RYR2: variants seen among roughly 807,000 people sequenced by gnomAD.
The protein encoded by RYR2 is cardiac muscle ryanodine receptor-calcium release channel.
A neutral mutation model predicts 601.1 loss-of-function variants in RYR2; 227 were observed. The observed-to-expected ratio is 0.38, with a 90% CI of 0.34 to 0.42. The LOEUF (loss-of-function observed/expected upper bound fraction) is 0.42. Among genes scored for constraint, RYR2 ranks in the 10% least tolerant of loss-of-function variants. RYR2 has a pLI of 1.00. For missense variants in RYR2, 4,646 were observed against 6,156.5 expected (o/e 0.75, Z 8.21); for synonymous variants, 2,223 against 2,175.1 (o/e 1.02, Z -0.61).
chr1:237,228,236 T>C lies in RYR2; in HGVS notation c.49-42261T>C, dbSNP rs142338706. ...TGAGAACATACGATGTTTGCTTTTT[T>C]ATTCCTGAGTTACTTCACTTAGAAT... is the stretch of plus-strand genomic sequence containing the variant. On this transcript the variant is annotated intron_variant, in intron 1 of 104. Transcript: ENST00000366574. Among the ~76,000 whole-genome samples the C allele has an allele frequency of 9.1e-3, 1,386 of 152,346 alleles. 22 individuals are homozygous for C. The highest frequency in any genetic ancestry group is 0.031 in the African/African-American group (1,309 of 41,572).
intron 92 of RYR2, among the ~76,000 whole-genome samples, chr1:237,791,210 T>C (rs986157872): frequency 1.3e-5 from 2 of 152,238 alleles, no homozygotes; most frequent in Non-Finnish European, 2.9e-5. Flanking sequence ...TCTGAAATTA[T>C]GTTTTTCACT....
At chr1:237,412,631 A>G (rs957765886) in intron 10 of RYR2, among the ~76,000 whole-genome samples, 2 of 152,152 alleles carry the variant, frequency 1.3e-5, no homozygotes, top group African/African-American at 4.8e-5. Flanking sequence ...GTACATTGCA[A>G]AAATAGTCTC....
At chr1:237,736,478 G>A (rs971712620) in intron 79 of RYR2, among the ~76,000 whole-genome samples, 109 of 139,062 alleles carry the variant, frequency 7.8e-4, no homozygotes, top group African/African-American at 2.5e-3. Context: ...AAAAAAAAAA[G>A]ATAAAAGGAT....
At chr1:237,043,302 C>T (rs763144688) in intron 1 of RYR2, among the ~76,000 whole-genome samples, 6 of 151,964 alleles carry the variant, frequency 3.9e-5, no homozygotes, top group African/African-American at 1.2e-4. Flanking sequence ...TGCGTGTGTG[C>T]GCGCGCGCGG....
chr1:237,553,698 C>A (rs1670619675), intron 27 of RYR2, among the ~76,000 whole-genome samples: 1 of 151,784 alleles, frequency 6.6e-6, no homozygotes, highest in Non-Finnish European at 1.5e-5. Flanking sequence ...TTATTTTCAT[C>A]CTCTTTAGTT....
intron 4 of RYR2, among the ~76,000 whole-genome samples, chr1:237,357,249 G>T (rs1208460250): frequency 6.6e-6 from 1 of 151,742 alleles, no homozygotes; most frequent in Non-Finnish European, 1.5e-5. Context: ...TTCCTCTTTG[G>T]CTATAGTTAA....
chr1:237,523,736 C>CA (rs71180032), intron 24 of RYR2, among the ~76,000 whole-genome samples: 2,212 of 138,926 alleles, frequency 0.016, 49 homozygotes, highest in African/African-American at 0.048. Flanking sequence ...GATTCTGTCT[C>CA]AAAAAAAAAA....
intron 1 of RYR2, among the ~76,000 whole-genome samples, chr1:237,148,527 A>AATAT (rs1553316811): frequency 2.4e-5 from 2 of 83,914 alleles, no homozygotes; most frequent in African/African-American, 8.6e-5. Flanking sequence ...AAAAAAAAAA[A>AATAT]ATATATATAT....
chr1:237,146,204 T>C (rs548135222), intron 1 of RYR2, among the ~76,000 whole-genome samples: 1 of 152,256 alleles, frequency 6.6e-6, no homozygotes, highest in East Asian at 1.9e-4. Context: ...GATGGTAGGG[T>C]TTGGAAATTT....
At chr1:237,517,590 A>G (rs1188148261) in intron 24 of RYR2, among the ~76,000 whole-genome samples, 2 of 152,154 alleles carry the variant, frequency 1.3e-5, no homozygotes, top group Non-Finnish European at 2.9e-5. Context: ...TGGGCTGGAA[A>G]AGCTTGTTCT....
intron 11 of RYR2, among the ~76,000 whole-genome samples, chr1:237,418,636 C>G (rs1572233940): frequency 6.6e-6 from 1 of 152,136 alleles, no homozygotes; most frequent in East Asian, 1.9e-4. Flanking sequence ...GGTTTAATAC[C>G]TTTGTTTATT....
chr1:237,332,264 G>A (rs1297101010), intron 3 of RYR2, among the ~76,000 whole-genome samples: 1 of 152,086 alleles, frequency 6.6e-6, no homozygotes, highest in Non-Finnish European at 1.5e-5. Context: ...TATGACTTTA[G>A]TTGATTTGTG....
intron 12 of RYR2, among the ~76,000 whole-genome samples, chr1:237,436,252 C>T (rs1707338416): frequency 7.0e-6 from 1 of 143,818 alleles, no homozygotes; most frequent in African/African-American, 2.5e-5. Context: ...TCATTGGTCC[C>T]ACGCACACTC....
At chr1:237,468,124 C>T (rs1006440805) in intron 16 of RYR2, among the ~76,000 whole-genome samples, 2 of 152,062 alleles carry the variant, frequency 1.3e-5, no homozygotes, top group African/African-American at 2.4e-5. Context: ...TCCCAAAGCG[C>T]TGGGATTACA....
At position 237,674,088 on chromosome 1, in the gene RYR2, A is replaced by G. The variant is rs1369273531; in HGVS notation, c.8591-8A>G. 13 of 1,608,238 alleles carry G rather than the reference A, an allele frequency of 8.1e-6. No homozygotes were observed. In the East Asian group the frequency reaches 2.7e-4, roughly 33 times the overall value. On this transcript the variant is annotated splice_polypyrimidine_tract_variant and splice_region_variant and intron_variant, in intron 58 of 104. Transcript: ENST00000366574. ...CTATGCTGTGTTCTTGTCCTGACAT[A>G]CTCTTAGGAGGAGGAAACCATCCTC...
chr1:237,833,781 A>T lies in RYR2; in HGVS notation c.*1134A>T, dbSNP rs1664084891. Reference sequence around the variant, plus strand: ...GCAATATCCATTCAGGGATTTCATCAGTTGCATCACAAAACACGGATGATA... The same window carrying T: ...GCAATATCCATTCAGGGATTTCATCTGTTGCATCACAAAACACGGATGATA... On this transcript the variant is annotated 3_prime_UTR_variant, in exon 105 of 105. Coordinates refer to ENST00000366574, the MANE Select transcript of RYR2 (RefSeq NM_001035.3). 6.6e-6 allele frequency: 1 copy of T among 152,638 alleles called. No individual in the cohort carries two copies. Among genetic ancestry groups the T allele is most frequent in the South Asian group, 2.1e-4 (1 of 4,834 alleles). 9.5% of individuals were successfully genotyped at this position (152,638 alleles called of 1,614,324 possible).
At chr1:237,663,540 A>C (rs1684004135) in intron 56 of RYR2, among the ~76,000 whole-genome samples, 1 of 152,228 alleles carries the variant, frequency 6.6e-6, no homozygotes, top group Admixed American at 6.5e-5. Context: ...GGTCTCACCC[A>C]TGAGTACCTA....
intron 2 of RYR2, among the ~76,000 whole-genome samples, chr1:237,284,497 T>A (rs12097257): frequency 2.1e-5 from 1 of 46,668 alleles, no homozygotes; most frequent in Non-Finnish European, 3.4e-5. Context: ...ATATATAAAA[T>A]ATATATAAAA....
intron 1 of RYR2, among the ~76,000 whole-genome samples, chr1:237,182,971 T>A (rs1261973371): frequency 6.6e-6 from 1 of 152,216 alleles, no homozygotes; most frequent in Non-Finnish European, 1.5e-5. Flanking sequence ...GAGTATCCCA[T>A]TTATCTGGTG....
Sources: allele counts gnomAD v4.1 joint callset (sites outside exome capture counted in the v4.1 genomes callset), GRCh38; gene constraint gnomAD v4.1.1; transcripts MANE v1.5; gene names NCBI Gene and HGNC (gene_info 2026-07-23, HGNC 2026-07-21).